RHBDD1: variants seen among roughly 807,000 people sequenced by gnomAD.
RHBDD1 encodes the protein rhomboid-related protein 4.
RHBDD1 carries 38 observed loss-of-function variants against 36.3 expected under a neutral mutation model. The ratio of observed to expected loss-of-function variants is 1.05; its 90% CI spans 0.81 to 1.37. RHBDD1 has a LOEUF of 1.37. RHBDD1 is among the 40% of genes most tolerant of loss of function. The pLI, the probability that RHBDD1 is intolerant of heterozygous loss-of-function variation, is 0.00. For missense variants in RHBDD1, 393 were observed against 377.6 expected (o/e 1.04, Z -0.34); for synonymous variants, 151 against 136.5 (o/e 1.11, Z -0.74).
intron 8 of RHBDD1, among the ~76,000 whole-genome samples, chr2:226,976,907 C>A (rs1406026356): frequency 6.6e-6 from 1 of 152,158 alleles, no homozygotes; most frequent in Non-Finnish European, 1.5e-5. Flanking sequence ...TTTATTTTGA[C>A]CCCCTCCTCC....
intron 5 of RHBDD1, among the ~76,000 whole-genome samples, chr2:226,889,842 C>T (rs1946545802): frequency 1.3e-5 from 2 of 152,182 alleles, no homozygotes; most frequent in South Asian, 4.1e-4. Flanking sequence ...TTGAGTGCCA[C>T]TCCCTCTTCC....
chr2:226,928,964 A>C (rs1001893178), intron 8 of RHBDD1, among the ~76,000 whole-genome samples: 1 of 152,084 alleles, frequency 6.6e-6, no homozygotes, highest in Admixed American at 6.6e-5. Flanking sequence ...AAGAAATAGA[A>C]ATCCTGAACA....
chr2:226,980,255 C>T (rs549845982), intron 8 of RHBDD1, among the ~76,000 whole-genome samples: 78 of 152,208 alleles, frequency 5.1e-4, no homozygotes, highest in Admixed American at 8.5e-4. Flanking sequence ...AAATAAGAGG[C>T]AAAGCCAGTA....
chr2:226,914,177 G>A (rs1948727296), intron 7 of RHBDD1, 31 bp from the exon 8 acceptor site: 1 of 1,609,406 alleles, frequency 6.2e-7, no homozygotes, highest in African/African-American at 1.3e-5. Context: ...GTCCATAGCT[G>A]TGTTCTAGAA....
At chr2:226,954,679 T>C (rs114965516) in intron 8 of RHBDD1, among the ~76,000 whole-genome samples, 1 of 151,848 alleles carries the variant, frequency 6.6e-6, no homozygotes, top group African/African-American at 2.4e-5. Context: ...GGCAGATGGA[T>C]TGATAAAGGT....
chr2:226,878,191 C>G (rs1945404343), intron 5 of RHBDD1, among the ~76,000 whole-genome samples: 2 of 152,042 alleles, frequency 1.3e-5, no homozygotes. Context: ...TCCAAGGGAG[C>G]TTCATGTAGT....
chr2:226,951,467 A>G (rs1387028748), intron 8 of RHBDD1, among the ~76,000 whole-genome samples: 2 of 152,206 alleles, frequency 1.3e-5, no homozygotes, highest in African/African-American at 4.8e-5. Context: ...TTTTGTTTGT[A>G]AAATATTCAT....
chr2:226,986,404 A>G (rs890930402), intron 8 of RHBDD1, among the ~76,000 whole-genome samples: 1 of 152,240 alleles, frequency 6.6e-6, no homozygotes, highest in Admixed American at 6.5e-5. Context: ...CATTTAGGGA[A>G]TAGACTTGTC....
intron 8 of RHBDD1, among the ~76,000 whole-genome samples, chr2:226,937,811 A>G (rs963977473): frequency 5.9e-5 from 9 of 152,268 alleles, no homozygotes; most frequent in African/African-American, 2.2e-4. Context: ...CATGGTGTAT[A>G]CGTACCACAT....
chr2:226,803,583 G>A, the RHBDD1 span, among the ~76,000 whole-genome samples: 3 of 152,122 alleles, frequency 2.0e-5, no homozygotes, highest in African/African-American at 4.8e-5. Flanking sequence ...CATCGAAAAT[G>A]GCAGATGAAC....
At chr2:226,961,210 C>T (rs183213816) in intron 8 of RHBDD1, among the ~76,000 whole-genome samples, 4 of 152,158 alleles carry the variant, frequency 2.6e-5, no homozygotes, top group East Asian at 1.9e-4. Flanking sequence ...TCTCCATGAA[C>T]GGGGTCATGA....
At chr2:226,932,571 C>T (rs754337400) in intron 8 of RHBDD1, among the ~76,000 whole-genome samples, 4 of 152,062 alleles carry the variant, frequency 2.6e-5, no homozygotes, top group African/African-American at 4.8e-5. Flanking sequence ...ACTTCAGTTT[C>T]AGGTCCTCGT....
At chr2:226,914,401 AGGTAGTCTG>A in intron 8 of RHBDD1, 50 bp downstream of exon 8, 1 of 1,557,844 alleles carries the variant, frequency 6.4e-7, no homozygotes, top group Admixed American at 2.0e-5. Context: ...TCATGTGGTA[AGGTAGTCTG>A]AAAAAGAGCT....
At chr2:226,915,892 G>A (rs752824742) in intron 8 of RHBDD1, among the ~76,000 whole-genome samples, 6 of 152,196 alleles carry the variant, frequency 3.9e-5, no homozygotes, top group Non-Finnish European at 8.8e-5. Flanking sequence ...TTGCTCATGA[G>A]TATGTGAAGC....
chr2:226,818,599 G>C, the RHBDD1 span, among the ~76,000 whole-genome samples: 12 of 151,768 alleles, frequency 7.9e-5, no homozygotes, highest in Admixed American at 2.0e-4. Context: ...CCAGCACTTT[G>C]GGAGGCCGAG....
At chr2:226,945,556 T>A (rs973432844) in intron 8 of RHBDD1, among the ~76,000 whole-genome samples, 30 of 152,190 alleles carry the variant, frequency 2.0e-4, no homozygotes, top group African/African-American at 6.8e-4. Context: ...ATCCAGCCTA[T>A]CGTTGATGGG....
At chr2:226,929,367 A>G (rs1949867185) in intron 8 of RHBDD1, among the ~76,000 whole-genome samples, 1 of 152,160 alleles carries the variant, frequency 6.6e-6, no homozygotes, top group Non-Finnish European at 1.5e-5. Context: ...AATAAATGTG[A>G]TTCATCACAC....
chr2:226,891,590 C>T (rs1267001992), intron 5 of RHBDD1, among the ~76,000 whole-genome samples: 6 of 152,162 alleles, frequency 3.9e-5, no homozygotes, highest in African/African-American at 1.2e-4. Context: ...GAAGAGTTCT[C>T]TCCACATGGT....
chr2:226,828,901 G>T, the RHBDD1 span, among the ~76,000 whole-genome samples: 1 of 151,766 alleles, frequency 6.6e-6, no homozygotes, highest in Admixed American at 6.6e-5. Context: ...TAAATTTTGA[G>T]GTCCAATTTA....
Sources: gnomAD v4.1 joint callset for allele counts (sites outside exome capture counted in the v4.1 genomes callset) on GRCh38, gnomAD v4.1.1 for gene constraint, MANE v1.5 for transcripts, NCBI Gene and HGNC (gene_info 2026-07-23, HGNC 2026-07-21) for gene names.